ENAH: variants seen among roughly 807,000 people sequenced by gnomAD.
ENAH encodes the protein ENAH actin regulator.
ENAH carries 23 observed loss-of-function variants against 78.7 expected under a neutral mutation model. The observed-to-expected ratio is 0.29, with a 90% CI of 0.21 to 0.41. ENAH has a LOEUF of 0.41. Ranked by LOEUF, ENAH falls within the 10% of genes least tolerant of loss-of-function variation. The pLI is 1.00. For synonymous variants in ENAH, 226 were observed against 241.0 expected, an observed-to-expected ratio of 0.94 and a Z score of 0.58; for missense variants, 544 against 691.0, an observed-to-expected ratio of 0.79 and a Z score of 2.39.
Position 225,558,627 on chromosome 1 carries a change from C to CTTTTTTT in ENAH, c.172-3551_172-3545dup, listed in dbSNP as rs71170091. Reference sequence around the variant, plus strand: ...TGCTTTCTACTGCATTAATTTCTGCCTTTTTTTTTTTTTTTTTTTTTTTTG... The same window carrying CTTTTTTT: ...TGCTTTCTACTGCATTAATTTCTGCCTTTTTTTTTTTTTTTTTTTTTTTTTTTTTTTG... On this transcript the variant is annotated intron_variant, in intron 2 of 13. Coordinates refer to ENST00000366843, the MANE Select transcript of ENAH (RefSeq NM_018212.6). 3.2e-3 allele frequency among the ~76,000 whole-genome samples: 224 copies of CTTTTTTT among 69,192 alleles called. 2 individuals are homozygous for CTTTTTTT. The highest frequency in any genetic ancestry group is 0.038 in the Middle Eastern group (2 of 52). The allele number at this position is 69,192 out of a possible 152,430, so 45.4% of individuals were successfully genotyped here. A position where few individuals can be genotyped will look rare whatever the true frequency, so the allele number is the denominator to read the frequency against.
chr1:225,561,802 C>A (rs905340497), intron 2 of ENAH, among the ~76,000 whole-genome samples: 18 of 151,984 alleles, frequency 1.2e-4, no homozygotes, highest in Non-Finnish European at 2.9e-5. Flanking sequence ...CTCACACATG[C>A]CTATACATTT....
chr1:225,539,758 T>C (rs1463432714), intron 3 of ENAH, among the ~76,000 whole-genome samples: 1 of 151,992 alleles, frequency 6.6e-6, no homozygotes, highest in African/African-American at 2.4e-5. Flanking sequence ...ATATGCTGTA[T>C]CACCTTTCCT....
At chr1:225,611,254 G>A (rs2096987068) in intron 1 of ENAH, among the ~76,000 whole-genome samples, 1 of 152,078 alleles carries the variant, frequency 6.6e-6, no homozygotes, top group Admixed American at 6.6e-5. Context: ...GTATGAGCCT[G>A]GGAGTTCTAG....
chr1:225,518,430 C>T (rs1268579508), intron 5 of ENAH, among the ~76,000 whole-genome samples: 2 of 152,148 alleles, frequency 1.3e-5, no homozygotes, highest in Non-Finnish European at 2.9e-5. Context: ...GGGTTCAATG[C>T]TCCTATTCAA....
chr1:225,509,590 T>C (rs1401629871), intron 10 of ENAH, among the ~76,000 whole-genome samples: 8 of 152,186 alleles, frequency 5.3e-5, no homozygotes, highest in Admixed American at 6.5e-5. Context: ...GGTCTGCCTA[T>C]CTTAATCCTC....
At chr1:225,600,609 G>A (rs2096925779) in intron 1 of ENAH, among the ~76,000 whole-genome samples, 3 of 151,976 alleles carry the variant, frequency 2.0e-5, no homozygotes, top group Admixed American at 2.0e-4. Context: ...TGTGATCTGA[G>A]CACTTTGAGA....
intron 2 of ENAH, among the ~76,000 whole-genome samples, chr1:225,563,319 G>A (rs757300091): frequency 2.0e-5 from 3 of 151,974 alleles, no homozygotes; most frequent in Non-Finnish European, 2.9e-5. Flanking sequence ...TACCTCCTCT[G>A]TATCACTAAA....
intron 3 of ENAH, among the ~76,000 whole-genome samples, chr1:225,554,443 G>A (rs1465463539): frequency 6.6e-6 from 1 of 152,034 alleles, no homozygotes. Flanking sequence ...AAAAAACCGA[G>A]AATCACATTT....
chr1:225,501,471 A>G (rs2096281877), intron 11 of ENAH, among the ~76,000 whole-genome samples: 1 of 152,198 alleles, frequency 6.6e-6, no homozygotes, highest in Admixed American at 6.5e-5. Flanking sequence ...TATCTACTTA[A>G]ATACCTGGAC....
intron 1 of ENAH, among the ~76,000 whole-genome samples, chr1:225,570,184 A>AT (rs1246893336): frequency 1.3e-5 from 2 of 151,672 alleles, no homozygotes; most frequent in South Asian, 2.1e-4. Context: ...AAAAAAAAAA[A>AT]AAATACATTA....
intron 4 of ENAH, among the ~76,000 whole-genome samples, chr1:225,524,426 T>C (rs1053010454): frequency 1.2e-4 from 18 of 152,224 alleles, no homozygotes. Flanking sequence ...TAATATTTAG[T>C]AACACTGTTA....
At chr1:225,611,949 G>T (rs2096992152) in intron 1 of ENAH, among the ~76,000 whole-genome samples, 1 of 152,218 alleles carries the variant, frequency 6.6e-6, no homozygotes, top group African/African-American at 2.4e-5. Flanking sequence ...GTGAGGATAT[G>T]GAGAAATTAA....
Position 225,492,811 on chromosome 1 carries a change from T to C in ENAH, c.*4964A>G, listed in dbSNP as rs1264728431. The C allele has an allele frequency of 1.3e-5, 2 of 151,522 alleles. No homozygotes were observed. Among genetic ancestry groups the C allele is most frequent in the Non-Finnish European group, 2.9e-5 (2 of 68,002 alleles). The allele number at this position is 151,522 out of a possible 1,614,324, so 9.4% of individuals were successfully genotyped here. ...GATTTCAACAGAAATAACCAATAAA[T>C]GTGGCAGACATTCTTACAACATCCT... On this transcript the variant is annotated 3_prime_UTR_variant, in exon 14 of 14. Coordinates refer to ENST00000366843, the MANE Select transcript of ENAH (RefSeq NM_018212.6).
At chr1:225,621,686 T>C (rs975512486) in intron 1 of ENAH, among the ~76,000 whole-genome samples, 28 of 152,346 alleles carry the variant, frequency 1.8e-4, no homozygotes, top group Admixed American at 1.4e-3. Flanking sequence ...TGGCTTTTGT[T>C]AACCGCACAC....
At chr1:225,509,933 C>T (rs1384050402) in intron 10 of ENAH, among the ~76,000 whole-genome samples, 3 of 152,186 alleles carry the variant, frequency 2.0e-5, no homozygotes, top group African/African-American at 7.2e-5. Flanking sequence ...TCAAGGAATA[C>T]TAAGATGTCA....
intron 1 of ENAH, among the ~76,000 whole-genome samples, chr1:225,588,152 AAATTTTTTCTC>A (rs1456250303): frequency 6.6e-6 from 1 of 152,188 alleles, no homozygotes; most frequent in Non-Finnish European, 1.5e-5. Context: ...TAGAGTATAT[AAATTTTTTCTC>A]AATAAAGCTG....
intron 1 of ENAH, among the ~76,000 whole-genome samples, chr1:225,589,696 G>A (rs1316087470): frequency 6.6e-6 from 1 of 151,968 alleles, no homozygotes; most frequent in African/African-American, 2.4e-5. Flanking sequence ...ACCCATAGGG[G>A]GCCAACTGTA....
At chr1:225,634,470 T>C (rs1342350426) in intron 1 of ENAH, among the ~76,000 whole-genome samples, 1 of 152,108 alleles carries the variant, frequency 6.6e-6, no homozygotes, top group Non-Finnish European at 1.5e-5. Context: ...TGGTATTTGG[T>C]GGGTACAAAC....
At chr1:225,533,639 AG>A (rs2096548425) in intron 3 of ENAH, among the ~76,000 whole-genome samples, 1 of 152,146 alleles carries the variant, frequency 6.6e-6, no homozygotes, top group Non-Finnish European at 1.5e-5. Context: ...GAAGGTATAT[AG>A]CAAAGTCTGT....
Sources: allele counts gnomAD v4.1 joint callset (sites outside exome capture counted in the v4.1 genomes callset), GRCh38; gene constraint gnomAD v4.1.1; transcripts MANE v1.5; gene names NCBI Gene and HGNC (gene_info 2026-07-23, HGNC 2026-07-21).